BEND2: variants seen among roughly 807,000 people sequenced by gnomAD.
BEND2 encodes the protein BEN domain containing 2, also known as BEN domain-containing protein 2.
In BEND2, 19 loss-of-function variants were observed where a neutral mutation model predicts 43.8. The ratio of observed to expected loss-of-function variants is 0.43; its 90% CI spans 0.30 to 0.64. The LOEUF (loss-of-function observed/expected upper bound fraction) is 0.64, where lower values mean the gene tolerates loss of function less well. Among genes scored for constraint, BEND2 ranks in the 30% least tolerant of loss-of-function variants. The pLI is 0.11. For synonymous variants in BEND2, 226 were observed against 210.1 expected (o/e 1.08, Z -0.66); for missense variants, 544 against 574.0 (o/e 0.95, Z 0.53).
rs1017669230 is a variant in BEND2, at chrX:18,177,598, A to C, written c.1601T>G (p.Leu534Arg). Residue 534 changes from leucine to arginine, a missense_variant, in exon 10 of 14, where the codon CTC becomes CGC. Leu to Arg is a moderately radical substitution (Grantham distance 102). Around this residue, in one of 2 missense-constraint regions of BEND2, gnomAD observed 501 missense variants for 501.6 expected, o/e 1.00. Coordinates refer to ENST00000380033, the MANE Select transcript of BEND2 (RefSeq NM_153346.5). ...VDIHLKDSQS[L>R]DPNKMAALRE... ...CAATGCAGCCATTTTGTTCGGGTCGAGGGATTGGCTGTCTTTCAAATGGAT... is the reference window on the plus strand; with the variant it reads ...CAATGCAGCCATTTTGTTCGGGTCGCGGGATTGGCTGTCTTTCAAATGGAT... 2.5e-6 allele frequency: 3 copies of C among 1,211,347 alleles called. No individual in the cohort carries two copies. Among genetic ancestry groups the C allele is most frequent in the Non-Finnish European group, 3.4e-6 (3 of 895,213 alleles).
chrX:18,220,091 C>T (rs1375657596), intron 1 of BEND2, among the ~76,000 whole-genome samples: 1 of 111,294 alleles, frequency 9.0e-6, no homozygotes, highest in Non-Finnish European at 1.9e-5. Context: ...TAATAAGCTT[C>T]GAAATCTCAA....
rs1210006261 is a variant in BEND2, at chrX:18,193,359, G to GAA, written c.1180+1935_1180+1936dup. On this transcript the variant is annotated intron_variant, in intron 7 of 13. Transcript: ENST00000380033. ...GAAAAGAAAAGAAAAGAAAAGAAAA[G>GAA]AAAAAGAGTAAAATGAGACATCTTG... Among the ~76,000 whole-genome samples, 11 of 103,681 alleles carry GAA rather than the reference G, an allele frequency of 1.1e-4. No homozygotes were observed. In the South Asian group the frequency reaches 4.5e-3, roughly 43 times the overall value. 90.0% of individuals were successfully genotyped at this position (103,681 alleles called of 115,157 possible).
rs1925547992 is a variant in BEND2, at chrX:18,212,621, T to A, written c.436A>T (p.Ser146Cys). 2.5e-6 allele frequency: 3 copies of A among 1,208,985 alleles called. No homozygotes were observed. In the African/African-American group the frequency reaches 5.2e-5, roughly 21 times the overall value. The part of the protein sequence containing the change: ...INHPVHLRRY[S>C]YNSEEVDFPK... ...AAATCCACTTCCTCTGAGTTGTAAC[T>A]GTATCTTCTTAAATGTACTGGGTGG... is the stretch of plus-strand genomic sequence containing the variant. The change falls in exon 4 of 14, where the codon AGT (serine) becomes TGT (cysteine). Residue 146 changes from serine (S) to cysteine (C), a missense_variant. Around this residue, in one of 2 missense-constraint regions of BEND2, gnomAD observed 501 missense variants for 501.6 expected, o/e 1.00. Transcript: ENST00000380033.
At chrX:18,213,197 A>G (rs1443595162) in intron 3 of BEND2, among the ~76,000 whole-genome samples, 1 of 112,161 alleles carries the variant, frequency 8.9e-6, no homozygotes, top group Non-Finnish European at 1.9e-5. Flanking sequence ...TGCCTTATTA[A>G]ATTTTATATT....
At chrX:18,218,774 C>T (rs987182057) in intron 1 of BEND2, among the ~76,000 whole-genome samples, 1 of 112,010 alleles carries the variant, frequency 8.9e-6, no homozygotes, top group Non-Finnish European at 1.9e-5. Flanking sequence ...GCCGGAGAAT[C>T]GCTTGAACCT....
chrX:18,203,915 C>T lies in BEND2; in HGVS notation c.493G>A (p.Val165Ile). 1 of 1,182,778 alleles carries T rather than the reference C, an allele frequency of 8.5e-7. No individual in the cohort carries two copies. The highest frequency in any genetic ancestry group is 1.1e-6 in the Non-Finnish European group (1 of 876,000). Reference protein sequence around the residue: ...PKRGRFYTPEVQSSISPPAER... With the variant: ...PKRGRFYTPEIQSSISPPAER... Reference sequence around the variant, plus strand: ...GCTGGTGGTGATATGCTAGACTGTACCTATCCAGGGTAAGAGAACAGAATG... The same window carrying T: ...GCTGGTGGTGATATGCTAGACTGTATCTATCCAGGGTAAGAGAACAGAATG... Residue 165 changes from valine (V) to isoleucine (I), a missense_variant and splice_region_variant, in exon 5 of 14, where the codon GTA (valine) becomes ATA (isoleucine). Coordinates refer to ENST00000380033, the MANE Select transcript of BEND2 (RefSeq NM_153346.5).
intron 4 of BEND2, among the ~76,000 whole-genome samples, chrX:18,206,551 C>T (rs1925339687): frequency 1.8e-5 from 2 of 110,536 alleles, no homozygotes; most frequent in African/African-American, 6.6e-5. Context: ...GGGTCAGGAG[C>T]TAGAGCCAGA....
intron 12 of BEND2, among the ~76,000 whole-genome samples, chrX:18,172,394 G>A (rs1210215994): frequency 4.5e-5 from 5 of 111,269 alleles, no homozygotes; most frequent in African/African-American, 1.6e-4. Context: ...CCAAAGTATG[G>A]AAAAATCTAT....
chrX:18,217,907 C>T (rs1300409928), intron 1 of BEND2, among the ~76,000 whole-genome samples: 1 of 103,766 alleles, frequency 9.6e-6, no homozygotes, highest in Non-Finnish European at 2.0e-5. Context: ...ATGGCGAAAT[C>T]CTGTCTCTAC....
chrX:18,199,405 G>A (rs1925066553), intron 6 of BEND2, among the ~76,000 whole-genome samples: 1 of 111,068 alleles, frequency 9.0e-6, no homozygotes, highest in Admixed American at 9.6e-5. Context: ...TGATGGAAAT[G>A]TTCTGTATTG....
At chrX:18,214,810 C>CAAAAAAAA (rs58814498) in intron 2 of BEND2, among the ~76,000 whole-genome samples, 6 of 35,448 alleles carry the variant, frequency 1.7e-4, no homozygotes, top group African/African-American at 2.3e-4. Context: ...GACTCTGTCT[C>CAAAAAAAA]AAAAAAAAAA....
intron 4 of BEND2, among the ~76,000 whole-genome samples, chrX:18,207,147 C>A (rs896331909): frequency 8.9e-6 from 1 of 111,737 alleles, no homozygotes; most frequent in East Asian, 2.8e-4. Context: ...CCACTTCCCC[C>A]CAAGACTGCA....
intron 13 of BEND2, among the ~76,000 whole-genome samples, chrX:18,166,233 T>C (rs1376206183): frequency 8.9e-6 from 1 of 112,139 alleles, no homozygotes; most frequent in Non-Finnish European, 1.9e-5. Flanking sequence ...ATTACCACAC[T>C]GGAAGACAAA....
chrX:18,206,072 C>T (rs767744608), intron 4 of BEND2, among the ~76,000 whole-genome samples: 16 of 112,031 alleles, frequency 1.4e-4, no homozygotes, highest in Non-Finnish European at 2.8e-4. Flanking sequence ...TCAGGGTTCT[C>T]TTGAGGACAA....
chrX:18,198,171 G>C, intron 6 of BEND2, among the ~76,000 whole-genome samples: 1 of 110,878 alleles, frequency 9.0e-6, no homozygotes, highest in African/African-American at 3.3e-5. Flanking sequence ...AACACCAAAA[G>C]CAATGGCAAC....
chrX:18,215,146 T>A (rs148621470), intron 2 of BEND2, among the ~76,000 whole-genome samples: 1,597 of 111,914 alleles, frequency 0.014, 13 homozygotes, highest in Middle Eastern at 0.033. Context: ...AAGGCAAACA[T>A]TTATCATTTT....
chrX:18,166,631 C>T (rs1923829783), intron 13 of BEND2, among the ~76,000 whole-genome samples: 1 of 111,379 alleles, frequency 9.0e-6, no homozygotes, highest in South Asian at 3.9e-4. Context: ...TTGAAACTGA[C>T]AGTCGGCCAG....
At chrX:18,168,628 C>T (rs1178588994) in intron 13 of BEND2, among the ~76,000 whole-genome samples, 1 of 111,004 alleles carries the variant, frequency 9.0e-6, no homozygotes, top group Non-Finnish European at 1.9e-5. Flanking sequence ...GAGGGTTGTT[C>T]GCTAATTGCA....
Position 18,165,531 on chromosome X carries a change from A to G in BEND2, c.2186-308T>C, listed in dbSNP as rs191033083. 1.8e-3 allele frequency among the ~76,000 whole-genome samples: 198 copies of G among 111,996 alleles called. 1 individual carries two copies. Among genetic ancestry groups the G allele is most frequent in the African/African-American group, 6.1e-3 (188 of 30,883 alleles). On this transcript the variant is annotated intron_variant, in intron 13 of 13. Transcript: ENST00000380033. The stretch of plus-strand genomic sequence containing the variant: ...GTCAACTTTTGTTACTCTCAAAAGT[A>G]TCAAAGAAGCGTCTAGCACGTCACT...
Sources: allele counts gnomAD v4.1 joint callset (sites outside exome capture counted in the v4.1 genomes callset), GRCh38; gene constraint gnomAD v4.1.1; regional missense constraint gnomAD v4.1.1; transcripts MANE v1.5; gene names NCBI Gene and HGNC (gene_info 2026-07-23, HGNC 2026-07-21).